MARF1: variants seen among roughly 807,000 people sequenced by gnomAD.
MARF1 encodes the protein limkain-b1.
A neutral mutation model predicts 168.2 loss-of-function variants in MARF1; 24 were observed. The observed-to-expected ratio is 0.14, with a 90% CI of 0.10 to 0.20. MARF1 has a LOEUF of 0.20. Among genes scored for constraint, MARF1 ranks in the 10% least tolerant of loss-of-function variants. MARF1 has a pLI of 1.00. For missense variants in MARF1, 1,744 were observed against 2,143.6 expected, an observed-to-expected ratio of 0.81 and a Z score of 3.68; for synonymous variants, 868 against 822.4, an observed-to-expected ratio of 1.06 and a Z score of -0.95.
intron 17 of MARF1, among the ~76,000 whole-genome samples, chr16:15,612,009 G>T (rs2033606755): frequency 6.6e-6 from 1 of 152,184 alleles, no homozygotes; most frequent in African/African-American, 2.4e-5. Context: ...GAAAAGAAAA[G>T]TCGTGAGTAC....
chr16:15,599,175 A>AAAAAAAAAAC, intron 25 of MARF1, 151 bp from the exon 26 acceptor site: 2 of 728,836 alleles, frequency 2.7e-6, no homozygotes, highest in East Asian at 3.0e-5. Context: ...AAAAAAAAAA[A>AAAAAAAAAAC]CAAAAACCCA....
At chr16:15,638,962 T>A in intron 2 of MARF1, 128 bp downstream of exon 2, 4 of 876,966 alleles carry the variant, frequency 4.6e-6, no homozygotes, top group Non-Finnish European at 6.7e-6. Context: ...TAAGAGGCAA[T>A]ACAGGCAAGA....
At chr16:15,618,122 T>A (rs1313306131) in intron 13 of MARF1, among the ~76,000 whole-genome samples, 1 of 152,150 alleles carries the variant, frequency 6.6e-6, no homozygotes, top group African/African-American at 2.4e-5. Flanking sequence ...GGGCCTCACT[T>A]TTTCCATCTG....
chr16:15,613,876 C>T (rs1373921795), intron 16 of MARF1, among the ~76,000 whole-genome samples: 1 of 151,962 alleles, frequency 6.6e-6, no homozygotes, highest in African/African-American at 2.4e-5. Context: ...CCTTGGTTAT[C>T]CTCACCTTTT....
chr16:15,611,991 A>T (rs1251084010), intron 17 of MARF1, among the ~76,000 whole-genome samples: 1 of 152,230 alleles, frequency 6.6e-6, no homozygotes, highest in Non-Finnish European at 1.5e-5. Flanking sequence ...TGAAAAGTGT[A>T]ATCTTTTGAA....
chr16:15,631,352 C>A, intron 6 of MARF1, 29 bp downstream of exon 6: 1 of 1,452,718 alleles, frequency 6.9e-7, no homozygotes, highest in Non-Finnish European at 9.7e-7. Context: ...GTGAGTTTAG[C>A]TGAAATTAGC....
intron 17 of MARF1, 49 bp downstream of exon 17, chr16:15,612,508 T>C (rs777621863): frequency 6.7e-7 from 1 of 1,500,084 alleles, no homozygotes; most frequent in Admixed American, 1.7e-5. Context: ...GCCAAAGCCA[T>C]GGAGGAACAT....
At chr16:15,605,552 AC>A (rs2032937220) in intron 21 of MARF1, among the ~76,000 whole-genome samples, 1 of 151,672 alleles carries the variant, frequency 6.6e-6, no homozygotes, top group African/African-American at 2.4e-5. Context: ...AGCCACCCAG[AC>A]CCCCACCATC....
At chr16:15,599,153 T>TG in intron 25 of MARF1, 129 bp from the exon 26 acceptor site, 1 of 438,000 alleles carries the variant, frequency 2.3e-6, no homozygotes, top group South Asian at 3.9e-5. Flanking sequence ...ATTTAAGGTA[T>TG]TAAAAAAAAA....
chr16:15,623,516 A>T (rs1466063191), intron 10 of MARF1, among the ~76,000 whole-genome samples: 3 of 151,994 alleles, frequency 2.0e-5, no homozygotes, highest in Non-Finnish European at 2.9e-5. Flanking sequence ...CCTGACCTCA[A>T]GTGATCCACC....
chr16:15,623,357 G>A (rs2034606032), intron 10 of MARF1, among the ~76,000 whole-genome samples: 2 of 128,236 alleles, frequency 1.6e-5, no homozygotes, highest in African/African-American at 6.1e-5. Flanking sequence ...TCGGCTTACT[G>A]CAACCTCCAC....
chr16:15,615,948 T>C lies in MARF1; in HGVS notation c.3135A>G (p.Gln1045=). 1 of 1,578,882 alleles carries C rather than the reference T, an allele frequency of 6.3e-7. No individual in the cohort carries two copies. The highest frequency in any genetic ancestry group is 8.6e-7 in the Non-Finnish European group (1 of 1,160,546). The stretch of plus-strand genomic sequence containing the variant: ...TGAAGTGTTCTAAGGGAACACCTCC[T>C]TGGTTTTCTTGCACTACTTCTAGAT... ...FGDLEVVQEN[Q]GGVPLEHFIT... Residue 1045 remains glutamine, a synonymous_variant, in exon 16 of 27, where the codon CAA becomes CAG. Coordinates refer to ENST00000396368, the MANE Select transcript of MARF1 (RefSeq NM_014647.4).
rs2150988469 is a variant in MARF1, at chr16:15,594,905, T to C, written c.*1788A>G. 6.5e-6 allele frequency: 1 copy of C among 152,766 alleles called. No homozygotes were observed. Among genetic ancestry groups the C allele is most frequent in the African/African-American group, 2.4e-5 (1 of 41,582 alleles). 9.5% of individuals were successfully genotyped at this position (152,766 alleles called of 1,614,324 possible). On this transcript the variant is annotated 3_prime_UTR_variant, in exon 27 of 27. Coordinates refer to ENST00000396368, the MANE Select transcript of MARF1 (RefSeq NM_014647.4). ...GCCCAAAGAACCTGTTCTTTGAGTC[T>C]GTTCCAGGTGACTTGTAATGATACC...
At position 15,636,108 on chromosome 16, in the gene MARF1, T is replaced by C; in HGVS notation, c.379A>G (p.Ser127Gly). Residue 127 changes from serine (S) to glycine (G), a missense_variant, in exon 3 of 27, where the codon AGT becomes GGT. By Grantham distance (56) the Ser-to-Gly change is moderately conservative. Coordinates refer to ENST00000396368, the MANE Select transcript of MARF1 (RefSeq NM_014647.4). ...AGTGCGCCCGGGTGAATCAAGCTACTGGTACCTCCGCTACCGCCACCACCA... is the reference window on the plus strand; with the variant it reads ...AGTGCGCCCGGGTGAATCAAGCTACCGGTACCTCCGCTACCGCCACCACCA... ...GGGGGGSGGTSSLIHPGALLD... is the reference protein window; with the variant it reads ...GGGGGGSGGTGSLIHPGALLD... 2 of 1,614,242 alleles carry C rather than the reference T, an allele frequency of 1.2e-6. No individual in the cohort carries two copies. The highest frequency in any genetic ancestry group is 2.2e-5 in the East Asian group (1 of 44,890).
Position 15,635,927 on chromosome 16 carries a change from G to T in MARF1, c.560C>A (p.Ser187Tyr), listed in dbSNP as rs2035563924. 1 of 1,613,972 alleles carries T rather than the reference G, an allele frequency of 6.2e-7. No individual in the cohort carries two copies. The highest frequency in any genetic ancestry group is 1.3e-5 in the African/African-American group (1 of 74,932). ...PSMCLESNLS[S>Y]CKHLPCCGKL... is the part of the protein sequence containing the mutation. Reference sequence around the variant, plus strand: ...TCCACAACAGGGCAGGTGTTTGCAGGAAGACAGGTTACTCTCTAGACACAT... The same window carrying T: ...TCCACAACAGGGCAGGTGTTTGCAGTAAGACAGGTTACTCTCTAGACACAT... Residue 187 changes from serine (S) to tyrosine (Y), a missense_variant, in exon 3 of 27, where the codon TCC becomes TAC. This residue lies in a region of MARF1 where 318 missense variants were observed against 336.6 expected (regional missense o/e 0.94). Transcript: ENST00000396368.
At chr16:15,600,990 T>G (rs1226441191) in intron 23 of MARF1, 1 of 655,524 alleles carries the variant, frequency 1.5e-6, no homozygotes, top group Non-Finnish European at 2.8e-6. Flanking sequence ...CTTTGGCATA[T>G]AAATTAAGGT....
chr16:15,604,773 A>AG (rs1417828552), intron 21 of MARF1, among the ~76,000 whole-genome samples: 1 of 152,028 alleles, frequency 6.6e-6, no homozygotes. Flanking sequence ...CTGTGCTCGA[A>AG]GGGGGGTAGG....
At chr16:15,622,042 G>A (rs1001358669) in intron 11 of MARF1, 131 bp from the exon 12 acceptor site, 1 of 759,174 alleles carries the variant, frequency 1.3e-6, no homozygotes, top group Non-Finnish European at 2.1e-6. Context: ...TCTGAACTCT[G>A]CTCTTCTGCT....
intron 19 of MARF1, 104 bp from the exon 20 acceptor site, chr16:15,609,829 A>T: frequency 1.1e-6 from 1 of 933,172 alleles, no homozygotes; most frequent in African/African-American, 1.7e-5. Flanking sequence ...AAACGATATC[A>T]TCCTTGCCTT....
Sources: gnomAD v4.1 joint callset for allele counts (sites outside exome capture counted in the v4.1 genomes callset) on GRCh38, gnomAD v4.1.1 for gene constraint, gnomAD v4.1.1 regional missense constraint, MANE v1.5 for transcripts, NCBI Gene and HGNC (gene_info 2026-07-23, HGNC 2026-07-21) for gene names.